KCNQ5: variants seen among roughly 807,000 people sequenced by gnomAD.
KCNQ5 encodes potassium voltage-gated channel subfamily Q member 5.
KCNQ5 carries 30 observed loss-of-function variants against 98.2 expected under a neutral mutation model. The ratio of observed to expected loss-of-function variants is 0.31; its 90% CI spans 0.23 to 0.41. The LOEUF (loss-of-function observed/expected upper bound fraction) is 0.41. Ranked by LOEUF, KCNQ5 falls within the 10% of genes least tolerant of loss-of-function variation. KCNQ5 has a pLI of 1.00. For missense variants in KCNQ5, 835 were observed against 1,182.5 expected (o/e 0.71, Z 4.31); for synonymous variants, 458 against 449.4 (o/e 1.02, Z -0.24).
At chr6:73,107,693 A>G (rs1775061159) in intron 6 of KCNQ5, among the ~76,000 whole-genome samples, 1 of 152,228 alleles carries the variant, frequency 6.6e-6, no homozygotes, top group African/African-American at 2.4e-5. Context: ...GTCAGAGACT[A>G]AGTAGTCATT....
intron 2 of KCNQ5, among the ~76,000 whole-genome samples, chr6:73,033,537 G>A (rs1243941386): frequency 6.6e-6 from 1 of 152,046 alleles, no homozygotes; most frequent in Non-Finnish European, 1.5e-5. Flanking sequence ...GATTTTGCTG[G>A]AGCTACTCAA....
intron 1 of KCNQ5, among the ~76,000 whole-genome samples, chr6:72,694,792 A>G (rs1336932436): frequency 6.6e-6 from 1 of 152,166 alleles, no homozygotes; most frequent in Non-Finnish European, 1.5e-5. Flanking sequence ...ATGATGCTGA[A>G]GTTTGGGATG....
At chr6:72,773,246 G>A (rs1475114335) in intron 1 of KCNQ5, among the ~76,000 whole-genome samples, 2 of 152,108 alleles carry the variant, frequency 1.3e-5, no homozygotes, top group Non-Finnish European at 2.9e-5. Context: ...GCCCATCAGT[G>A]ATAGACTGGA....
intron 9 of KCNQ5, among the ~76,000 whole-genome samples, chr6:73,129,524 T>C (rs919214892): frequency 5.9e-5 from 9 of 152,382 alleles, no homozygotes; most frequent in African/African-American, 1.9e-4. Context: ...TATTCTAAAG[T>C]ATTTATTCTT....
chr6:72,741,113 C>T lies in KCNQ5; in HGVS notation c.398+118526C>T, dbSNP rs75420293. Among the ~76,000 whole-genome samples the T allele has an allele frequency of 3.2e-4, 48 of 152,130 alleles. No homozygotes were observed. The East Asian group carries it at 5.6e-3, about 18-fold the overall frequency. ...TGATGTCTTGCCCTTTTCCTGAGGG[C>T]GAAATACAGGAGTTGGGATGTTTAG... On this transcript the variant is annotated intron_variant, in intron 1 of 13. Coordinates refer to ENST00000370398, the MANE Select transcript of KCNQ5 (RefSeq NM_019842.4).
chr6:72,709,051 G>A (rs1220735139), intron 1 of KCNQ5, among the ~76,000 whole-genome samples: 2 of 151,868 alleles, frequency 1.3e-5, no homozygotes, highest in Non-Finnish European at 2.9e-5. Flanking sequence ...ATATAATGTT[G>A]ATCAGTTTTG....
chr6:72,775,559 C>T (rs1305905451), intron 1 of KCNQ5, among the ~76,000 whole-genome samples: 1 of 151,868 alleles, frequency 6.6e-6, no homozygotes, highest in Non-Finnish European at 1.5e-5. Context: ...TAATGACTTC[C>T]ACAATATGGA....
intron 5 of KCNQ5, 49 bp downstream of exon 5, chr6:73,077,936 T>C (rs1244118289): frequency 9.5e-6 from 14 of 1,473,788 alleles, no homozygotes; most frequent in Admixed American, 2.1e-5. Context: ...TGAATTGTTT[T>C]TTTTTAATAC....
intron 1 of KCNQ5, among the ~76,000 whole-genome samples, chr6:72,766,195 G>A (rs1384997252): frequency 6.6e-6 from 1 of 151,998 alleles, no homozygotes; most frequent in African/African-American, 2.4e-5. Context: ...CAGAGAGATA[G>A]CAAGAAGACC....
chr6:72,926,462 T>C (rs1342945435), intron 1 of KCNQ5, among the ~76,000 whole-genome samples: 1 of 152,172 alleles, frequency 6.6e-6, no homozygotes, highest in African/African-American at 2.4e-5. Flanking sequence ...TGATCATTAT[T>C]TCTGATCATA....
At chr6:73,006,863 T>C (rs886342082) in intron 2 of KCNQ5, among the ~76,000 whole-genome samples, 14 of 152,172 alleles carry the variant, frequency 9.2e-5, no homozygotes, top group Admixed American at 3.3e-4. Context: ...AGATATTTCC[T>C]ACAATTCTAT....
intron 1 of KCNQ5, among the ~76,000 whole-genome samples, chr6:72,666,983 G>T (rs1488913361): frequency 1.3e-5 from 2 of 152,106 alleles, no homozygotes; most frequent in South Asian, 4.2e-4. Context: ...AATTAGCAAA[G>T]AAATCAATTG....
chr6:73,120,307 T>C (rs927227754), intron 7 of KCNQ5, among the ~76,000 whole-genome samples, 176 bp from the exon 8 acceptor site: 1 of 152,148 alleles, frequency 6.6e-6, no homozygotes, highest in African/African-American at 2.4e-5. Flanking sequence ...GCAATATGTT[T>C]AACAGCCAGC....
intron 1 of KCNQ5, among the ~76,000 whole-genome samples, chr6:72,682,325 C>T (rs1767750193): frequency 6.6e-6 from 1 of 152,214 alleles, no homozygotes; most frequent in African/African-American, 2.4e-5. Context: ...TTAACACTCC[C>T]TGCCTGACCC....
At chr6:72,878,615 C>A (rs1778517047) in intron 1 of KCNQ5, among the ~76,000 whole-genome samples, 1 of 152,082 alleles carries the variant, frequency 6.6e-6, no homozygotes, top group Admixed American at 6.5e-5. Context: ...GGGTGCAGGT[C>A]AAATTGTTAC....
chr6:72,981,870 C>G lies in KCNQ5; in HGVS notation c.399-22038C>G, dbSNP rs900113165. On this transcript the variant is annotated intron_variant, in intron 1 of 13. Transcript: ENST00000370398. ...TCTGGTTGTGTCTTTGTTCTCATTG[C>G]TTTCAAAGAACATCTTTATTTCTGC... Among the ~76,000 whole-genome samples, 9 of 152,230 alleles carry G rather than the reference C, an allele frequency of 5.9e-5. No individual in the cohort carries two copies. In the East Asian group the frequency reaches 1.2e-3, roughly 20 times the overall value.
intron 1 of KCNQ5, among the ~76,000 whole-genome samples, chr6:72,642,030 G>A (rs1419630902): frequency 1.3e-5 from 2 of 150,904 alleles, no homozygotes; most frequent in African/African-American, 4.9e-5. Flanking sequence ...GAGCTACTTC[G>A]TTTATTACCC....
At chr6:73,011,831 A>T (rs1770074897) in intron 2 of KCNQ5, among the ~76,000 whole-genome samples, 2 of 152,082 alleles carry the variant, frequency 1.3e-5, no homozygotes, top group African/African-American at 4.8e-5. Context: ...TTCTCAAAAA[A>T]AAAAGAGGTA....
At chr6:72,760,874 A>G (rs898053942) in intron 1 of KCNQ5, among the ~76,000 whole-genome samples, 3 of 152,186 alleles carry the variant, frequency 2.0e-5, no homozygotes, top group Admixed American at 6.6e-5. Context: ...AAGAAAAAAA[A>G]GTACCACCTT....
Sources: allele counts gnomAD v4.1 joint callset (sites outside exome capture counted in the v4.1 genomes callset), GRCh38; gene constraint gnomAD v4.1.1; transcripts MANE v1.5; gene names NCBI Gene and HGNC (gene_info 2026-07-23, HGNC 2026-07-21).